Variants in ABI3BP observed in about 807,000 individuals in gnomAD.
The protein encoded by ABI3BP is ABI family member 3 binding protein.
Under a neutral mutation model 268.6 loss-of-function variants are expected in ABI3BP, and 216 were observed. That is an observed-to-expected ratio of 0.80 (90% CI 0.72 to 0.90). The LOEUF (loss-of-function observed/expected upper bound fraction) is 0.90, where lower values mean the gene tolerates loss of function less well. Ranked by LOEUF, ABI3BP falls within the 40% of genes least tolerant of loss-of-function variation. The pLI, the probability that ABI3BP is intolerant of heterozygous loss-of-function variation, is 0.00. For missense variants in ABI3BP, 2,090 were observed against 2,182.4 expected, an observed-to-expected ratio of 0.96 and a Z score of 0.84; for synonymous variants, 730 against 730.0, an observed-to-expected ratio of 1.00 and a Z score of 0.00.
intron 63 of ABI3BP, among the ~76,000 whole-genome samples, chr3:100,758,390 T>C (rs978346598): frequency 8.5e-5 from 13 of 152,208 alleles, no homozygotes; most frequent in Non-Finnish European, 1.8e-4. Flanking sequence ...GCTTGACACA[T>C]AGTAATAAGT....
intron 66 of ABI3BP, 116 bp from the exon 67 acceptor site, chr3:100,751,790 T>G (rs1349382766): frequency 1.5e-5 from 16 of 1,033,916 alleles, no homozygotes; most frequent in Non-Finnish European, 2.0e-5. Flanking sequence ...TTACCCTAGT[T>G]CAAACCAACA....
intron 51 of ABI3BP, among the ~76,000 whole-genome samples, chr3:100,798,783 C>T (rs889537306): frequency 7.9e-5 from 12 of 152,130 alleles, no homozygotes; most frequent in African/African-American, 2.4e-5. Flanking sequence ...ATGAAGTCTG[C>T]AATAAGGTTT....
At chr3:100,851,283 T>G (rs2098835021) in intron 15 of ABI3BP, among the ~76,000 whole-genome samples, 1 of 152,168 alleles carries the variant, frequency 6.6e-6, no homozygotes, top group Admixed American at 6.5e-5. Context: ...ATGCCAAAGA[T>G]TAGACCCAAT....
intron 34 of ABI3BP, 131 bp downstream of exon 34, chr3:100,828,262 C>T (rs1186718974): frequency 2.7e-6 from 2 of 734,222 alleles, no homozygotes; most frequent in African/African-American, 3.6e-5. Flanking sequence ...CTCTTATGAG[C>T]AAGAGGCAAC....
intron 2 of ABI3BP, among the ~76,000 whole-genome samples, chr3:100,912,537 C>A (rs2057111866): frequency 6.6e-6 from 1 of 151,990 alleles, no homozygotes; most frequent in Non-Finnish European, 1.5e-5. Context: ...AGAATAAAAT[C>A]ACCCACAGAA....
chr3:100,926,939 G>T (rs1276237958), intron 1 of ABI3BP, among the ~76,000 whole-genome samples: 1 of 152,118 alleles, frequency 6.6e-6, no homozygotes, highest in African/African-American at 2.4e-5. Flanking sequence ...AAAGATTTTT[G>T]TCTTAGGGAT....
intron 62 of ABI3BP, 143 bp from the exon 63 acceptor site, chr3:100,766,092 T>C (rs768079948): frequency 4.9e-6 from 3 of 609,214 alleles, no homozygotes; most frequent in Admixed American, 5.4e-5. Context: ...ATCTTACACA[T>C]TGGCAATTTC....
At position 100,752,924 on chromosome 3, in the gene ABI3BP, T is replaced by TAC; in HGVS notation, c.4984_4985insGT (p.Glu1662GlyfsTer28). On this transcript the variant is annotated frameshift_variant, in exon 66 of 68. Transcript: ENST00000471714. LOFTEE classifies it high-confidence loss of function. ...GTAAGAGTCTGAATTAAAGGGTCTTTCAGTCCAGATGGCATCTCTTCCTGC... is the reference window on the plus strand; with the variant it reads ...GTAAGAGTCTGAATTAAAGGGTCTTTACCAGTCCAGATGGCATCTCTTCCTGC... 2 of 1,613,200 alleles carry TAC rather than the reference T, an allele frequency of 1.2e-6. No homozygotes were observed. Among genetic ancestry groups the TAC allele is most frequent in the Middle Eastern group, 1.7e-4 (1 of 6,050 alleles).
At chr3:100,812,014 C>T (rs2097872002) in intron 46 of ABI3BP, among the ~76,000 whole-genome samples, 2 of 152,066 alleles carry the variant, frequency 1.3e-5, no homozygotes, top group South Asian at 4.1e-4. Context: ...GGGAAACATG[C>T]ACACCCCATA....
intron 4 of ABI3BP, among the ~76,000 whole-genome samples, chr3:100,891,385 A>AT (rs2044577314): frequency 6.6e-6 from 1 of 152,236 alleles, no homozygotes; most frequent in Non-Finnish European, 1.5e-5. Flanking sequence ...CAAAGCAATG[A>AT]GAAGGCTAGC....
At chr3:100,865,799 G>A (rs183791236) in intron 10 of ABI3BP, among the ~76,000 whole-genome samples, 1 of 152,278 alleles carries the variant, frequency 6.6e-6, no homozygotes, top group East Asian at 1.9e-4. Context: ...GAATCTTTGA[G>A]GGAGAAAGGG....
At chr3:100,977,567 G>GT (rs1209728018) in intron 1 of ABI3BP, among the ~76,000 whole-genome samples, 6 of 152,172 alleles carry the variant, frequency 3.9e-5, no homozygotes, top group Admixed American at 1.3e-4. Context: ...ATAGATCTGC[G>GT]TGAGTGTTTC....
At chr3:100,781,292 TATG>T (rs1213822373) in intron 57 of ABI3BP, among the ~76,000 whole-genome samples, 3 of 152,290 alleles carry the variant, frequency 2.0e-5, no homozygotes, top group African/African-American at 4.8e-5. Context: ...CTCCCAAAAA[TATG>T]ATGACATTTT....
intron 38 of ABI3BP, 101 bp from the exon 39 acceptor site, chr3:100,821,214 A>G: frequency 1.0e-6 from 1 of 959,472 alleles, no homozygotes; most frequent in Non-Finnish European, 1.6e-6. Context: ...TACAGCTTAT[A>G]GAATTATATA....
At chr3:100,890,366 A>G (rs9866199) in intron 4 of ABI3BP, among the ~76,000 whole-genome samples, 18,144 of 151,976 alleles carry the variant, frequency 0.12, 1,274 homozygotes, top group Middle Eastern at 0.17. Flanking sequence ...CTTCCTCTAA[A>G]GGGTCTCTCT....
rs112418190 is a variant in ABI3BP, at chr3:100,978,923, G to A, written c.79+14383C>T. On this transcript the variant is annotated intron_variant, in intron 1 of 67. Coordinates refer to ENST00000471714, the MANE Select transcript of ABI3BP (RefSeq NM_001375547.2). Reference sequence around the variant, plus strand: ...ATCTGATGTGAGTATAGTAAGGGTGGGAGGAGTGAAAGTGGGGGAGGTTAG... The same window carrying A: ...ATCTGATGTGAGTATAGTAAGGGTGAGAGGAGTGAAAGTGGGGGAGGTTAG... 2.0e-3 allele frequency among the ~76,000 whole-genome samples: 311 copies of A among 152,304 alleles called. 1 individual carries two copies. Among genetic ancestry groups the A allele is most frequent in the African/African-American group, 7.0e-3 (290 of 41,558 alleles).
chr3:100,974,133 G>A (rs2084963296), intron 1 of ABI3BP, among the ~76,000 whole-genome samples: 1 of 152,062 alleles, frequency 6.6e-6, no homozygotes, highest in Non-Finnish European at 1.5e-5. Flanking sequence ...GCAAGGATTT[G>A]GAGCAATTGA....
chr3:100,955,197 AG>A (rs1322036586), intron 1 of ABI3BP, among the ~76,000 whole-genome samples: 1 of 152,096 alleles, frequency 6.6e-6, no homozygotes, highest in African/African-American at 2.4e-5. Flanking sequence ...GCTCAGTAAA[AG>A]AACAGACTGG....
At chr3:100,846,743 G>T (rs115698940) in intron 19 of ABI3BP, among the ~76,000 whole-genome samples, 1,681 of 152,132 alleles carry the variant, frequency 0.011, 31 homozygotes, top group African/African-American at 0.038. Context: ...TATAATCTAT[G>T]ATTTTTAAAA....
Sources: allele counts gnomAD v4.1 joint callset (sites outside exome capture counted in the v4.1 genomes callset), GRCh38; gene constraint gnomAD v4.1.1; transcripts MANE v1.5; gene names NCBI Gene and HGNC (gene_info 2026-07-23, HGNC 2026-07-21).